The following JAZF1 variants were observed in gnomAD, a reference collection of about 807,000 sequenced individuals.
The protein encoded by JAZF1 is juxtaposed with another zinc finger protein 1.
Under a neutral mutation model 26.4 loss-of-function variants are expected in JAZF1, and 8 were observed. The observed-to-expected ratio is 0.30, with a 90% CI of 0.18 to 0.55. The LOEUF (loss-of-function observed/expected upper bound fraction) is 0.55, where lower values mean the gene tolerates loss of function less well. Ranked by LOEUF, JAZF1 falls within the 20% of genes least tolerant of loss-of-function variation. The pLI, the probability that JAZF1 is intolerant of heterozygous loss-of-function variation, is 0.94. For missense variants in JAZF1, 199 were observed against 322.0 expected, an observed-to-expected ratio of 0.62 and a Z score of 2.92; for synonymous variants, 126 against 122.3, an observed-to-expected ratio of 1.03 and a Z score of -0.20.
intron 3 of JAZF1, among the ~76,000 whole-genome samples, chr7:27,856,926 C>T (rs1783269611): frequency 1.3e-5 from 2 of 152,254 alleles, no homozygotes; most frequent in South Asian, 2.1e-4. Flanking sequence ...GGTGTATTTA[C>T]AATCCCTTAG....
chr7:27,970,045 T>C (rs903694810), intron 2 of JAZF1, among the ~76,000 whole-genome samples: 10 of 152,126 alleles, frequency 6.6e-5, no homozygotes, highest in African/African-American at 2.4e-4. Context: ...AAGAGCAATC[T>C]TTTAAAGTAG....
At chr7:28,049,043 TCCCTCCCCTC>T (rs1417336270) in intron 1 of JAZF1, among the ~76,000 whole-genome samples, 1 of 37,424 alleles carries the variant, frequency 2.7e-5, no homozygotes, top group African/African-American at 1.1e-4. Flanking sequence ...TCCCCTTCCC[TCCCTCCCCTC>T]CCCTCCCCTC....
At chr7:28,157,761 G>C (rs1327781770) in intron 1 of JAZF1, among the ~76,000 whole-genome samples, 1 of 152,130 alleles carries the variant, frequency 6.6e-6, no homozygotes, top group African/African-American at 2.4e-5. Flanking sequence ...CCCTGTTAAT[G>C]AAGCTTAGCA....
chr7:27,877,268 C>A lies in JAZF1; in HGVS notation c.385+17952G>T, dbSNP rs369165385. Reference sequence around the variant, plus strand: ...CATGGCTCCGAATGAGAGGTCAAGCCTTCTCTGAGAAATATGGAAATACCA... The same window carrying A: ...CATGGCTCCGAATGAGAGGTCAAGCATTCTCTGAGAAATATGGAAATACCA... On this transcript the variant is annotated intron_variant, in intron 3 of 4. Transcript: ENST00000283928. Among the ~76,000 whole-genome samples, 3 of 152,300 alleles carry A rather than the reference C, an allele frequency of 2.0e-5. No homozygotes were observed. The East Asian group carries it at 5.8e-4, about 29-fold the overall frequency.
rs1311020473 is a variant in JAZF1 at position 28,180,353 on chromosome 7, C to G, written c.115+110G>C. 4.1e-6 allele frequency: 3 copies of G among 737,296 alleles called. No homozygotes were observed. In the African/African-American group the frequency reaches 5.6e-5, roughly 14 times the overall value. 45.7% of individuals were successfully genotyped at this position (737,296 alleles called of 1,614,324 possible). On this transcript the variant is annotated intron_variant, in intron 1 of 4. Coordinates refer to ENST00000283928, the MANE Select transcript of JAZF1 (RefSeq NM_175061.4). ...ACCTCGGGGCTCGCACGCGCCCTCC[C>G]CGCCCTGCCGCCTCCCTCCCCGCCG...
intron 2 of JAZF1, among the ~76,000 whole-genome samples, chr7:27,928,523 T>C (rs1330936322): frequency 1.3e-5 from 2 of 152,240 alleles, no homozygotes; most frequent in African/African-American, 2.4e-5. Context: ...AGTTCTGATA[T>C]AGTATGCTCT....
At chr7:28,084,339 A>T (rs1195464851) in intron 1 of JAZF1, among the ~76,000 whole-genome samples, 1 of 152,196 alleles carries the variant, frequency 6.6e-6, no homozygotes, top group African/African-American at 2.4e-5. Flanking sequence ...CATCAGGCCA[A>T]CTAGTGGCTT....
chr7:27,870,768 G>T (rs377367500), intron 3 of JAZF1, among the ~76,000 whole-genome samples: 2 of 152,280 alleles, frequency 1.3e-5, no homozygotes, highest in East Asian at 3.9e-4. Flanking sequence ...TGCAAGCCAG[G>T]TGACAGAGCC....
intron 1 of JAZF1, among the ~76,000 whole-genome samples, chr7:28,175,555 T>G (rs1783537920): frequency 6.6e-6 from 1 of 152,160 alleles, no homozygotes; most frequent in African/African-American, 2.4e-5. Flanking sequence ...CATAGTACGG[T>G]TAATTTGCCC....
At chr7:27,846,007 T>C (rs1429653581) in intron 3 of JAZF1, among the ~76,000 whole-genome samples, 1 of 151,938 alleles carries the variant, frequency 6.6e-6, no homozygotes, top group Non-Finnish European at 1.5e-5. Context: ...CCCCTCCCCA[T>C]ACGTTCCTGC....
intron 1 of JAZF1, among the ~76,000 whole-genome samples, chr7:28,155,795 G>A (rs894346805): frequency 2.0e-5 from 3 of 152,206 alleles, no homozygotes; most frequent in Non-Finnish European, 4.4e-5. Flanking sequence ...GTGTGTGCAC[G>A]CGCACATGGG....
chr7:27,913,103 G>A (rs991466779), intron 2 of JAZF1, among the ~76,000 whole-genome samples: 9 of 151,878 alleles, frequency 5.9e-5, no homozygotes, highest in African/African-American at 2.2e-4. Context: ...CAGTGTCTTT[G>A]AAAGAGTTAA....
At chr7:27,875,856 G>C (rs1269175527) in intron 3 of JAZF1, among the ~76,000 whole-genome samples, 1 of 152,230 alleles carries the variant, frequency 6.6e-6, no homozygotes, top group Non-Finnish European at 1.5e-5. Flanking sequence ...TGGAAAACTA[G>C]TAATTATCCT....
intron 1 of JAZF1, among the ~76,000 whole-genome samples, chr7:28,027,071 C>G (rs1010666289): frequency 1.3e-5 from 2 of 152,222 alleles, no homozygotes; most frequent in African/African-American, 4.8e-5. Context: ...CAGACTCAGG[C>G]CCCTAAATGG....
intron 2 of JAZF1, among the ~76,000 whole-genome samples, chr7:27,921,920 G>T (rs1384114767): frequency 3.9e-5 from 6 of 152,178 alleles, no homozygotes; most frequent in African/African-American, 1.4e-4. Flanking sequence ...GGCTTTAGAA[G>T]CCTAGGTATA....
chr7:28,071,496 A>G (rs929208861), intron 1 of JAZF1: 6 of 414,238 alleles, frequency 1.4e-5, no homozygotes, highest in African/African-American at 1.3e-4. Flanking sequence ...TCCTCATAGA[A>G]CCATTTGGAA....
intron 1 of JAZF1, among the ~76,000 whole-genome samples, chr7:28,029,653 G>T (rs957152928): frequency 3.9e-5 from 6 of 152,198 alleles, no homozygotes; most frequent in Non-Finnish European, 8.8e-5. Context: ...TTTAAGTATT[G>T]AGGCAACAGA....
intron 1 of JAZF1, among the ~76,000 whole-genome samples, chr7:28,084,427 T>C (rs556697918): frequency 8.5e-5 from 13 of 152,218 alleles, no homozygotes; most frequent in Non-Finnish European, 1.6e-4. Context: ...AAGTACATTG[T>C]GGGAGCTGAA....
At chr7:28,066,326 G>A (rs1445521234) in intron 1 of JAZF1, among the ~76,000 whole-genome samples, 2 of 152,100 alleles carry the variant, frequency 1.3e-5, no homozygotes, top group Non-Finnish European at 2.9e-5. Context: ...CAACAAGGCT[G>A]GGCGCAGTGG....
Sources: gnomAD v4.1 joint callset for allele counts (sites outside exome capture counted in the v4.1 genomes callset) on GRCh38, gnomAD v4.1.1 for gene constraint, MANE v1.5 for transcripts, NCBI Gene and HGNC (gene_info 2026-07-23, HGNC 2026-07-21) for gene names.